Variants in MYO16 observed in about 807,000 individuals in gnomAD.
MYO16 encodes the protein myosin XVI, also known as unconventional myosin-XVI.
MYO16 carries 94 observed loss-of-function variants against 205.3 expected under a neutral mutation model. That is an observed-to-expected ratio of 0.46 (90% CI 0.39 to 0.54). The LOEUF (loss-of-function observed/expected upper bound fraction) is 0.54, where lower values mean the gene tolerates loss of function less well. Among genes scored for constraint, MYO16 ranks in the 20% least tolerant of loss-of-function variants. The probability of loss-of-function intolerance (pLI) is 0.00; values close to 1 mark genes in which losing one functional copy is unlikely to be tolerated. For missense variants in MYO16, 2,315 were observed against 2,387.5 expected, an observed-to-expected ratio of 0.97 and a Z score of 0.63; for synonymous variants, 988 against 954.0, an observed-to-expected ratio of 1.04 and a Z score of -0.66.
intron 34 of MYO16, among the ~76,000 whole-genome samples, chr13:109,206,404 T>G (rs967412896): frequency 6.6e-6 from 1 of 152,222 alleles, no homozygotes; most frequent in Admixed American, 6.5e-5. Context: ...CAATGTTTTG[T>G]TGCAGTCATT....
intron 3 of MYO16, among the ~76,000 whole-genome samples, chr13:108,721,605 G>A (rs1173522504): frequency 6.6e-6 from 1 of 152,240 alleles, no homozygotes; most frequent in Non-Finnish European, 1.5e-5. Flanking sequence ...CCATGACAGA[G>A]AAGAGTGACC....
chr13:109,110,464 A>G (rs1340698431), intron 28 of MYO16, among the ~76,000 whole-genome samples: 3 of 152,226 alleles, frequency 2.0e-5, no homozygotes, highest in Non-Finnish European at 2.9e-5. Context: ...AACTATAATT[A>G]TATGTAATTC....
At chr13:108,754,899 G>A in intron 4 of MYO16, among the ~76,000 whole-genome samples, 1 of 152,216 alleles carries the variant, frequency 6.6e-6, no homozygotes, top group East Asian at 1.9e-4. Context: ...ACATTCCTGT[G>A]TTAGGAAAAC....
At chr13:108,870,916 T>C (rs1030141236) in intron 12 of MYO16, among the ~76,000 whole-genome samples, 3 of 152,134 alleles carry the variant, frequency 2.0e-5, no homozygotes, top group Admixed American at 1.3e-4. Flanking sequence ...TTTGCTATTT[T>C]ATAAATTCAT....
chr13:108,883,617 A>G (rs1422220915), intron 13 of MYO16, among the ~76,000 whole-genome samples: 1 of 148,476 alleles, frequency 6.7e-6, no homozygotes, highest in Non-Finnish European at 1.5e-5. Flanking sequence ...CTCACAATTC[A>G]CTGTACTCTA....
chr13:109,019,599 C>A, intron 22 of MYO16, 112 bp from the exon 23 acceptor site: 1 of 773,174 alleles, frequency 1.3e-6, no homozygotes, highest in Non-Finnish European at 2.1e-6. Context: ...GATTCATTTT[C>A]TGAGTGTCTA....
At chr13:109,173,951 G>GGGC (rs1555338667) in intron 33 of MYO16, among the ~76,000 whole-genome samples, 6 of 148,038 alleles carry the variant, frequency 4.1e-5, no homozygotes, top group Non-Finnish European at 1.5e-5. Context: ...TTTTGATGGG[G>GGGC]GGGGGTACTC....
At chr13:108,763,040 T>G (rs558381412) in intron 4 of MYO16, among the ~76,000 whole-genome samples, 2 of 152,230 alleles carry the variant, frequency 1.3e-5, no homozygotes, top group Non-Finnish European at 2.9e-5. Flanking sequence ...AGGACAATAC[T>G]GGAAATATTA....
chr13:109,125,399 T>A lies in MYO16; in HGVS notation c.3782+41T>A. On this transcript the variant is annotated intron_variant, in intron 30 of 34. Coordinates refer to ENST00000457511, the MANE Select transcript of MYO16 (RefSeq NM_001198950.3). The surrounding 1 kb of genome is among the most constrained non-coding windows in gnomAD (Gnocchi z 4.0). ...ATGCAATTTTAATTACCTTTGTGAT[T>A]GGTTCAGTGGAGTCATGAAAATTCA... 1.2e-6 allele frequency: 2 copies of A among 1,603,868 alleles called. No homozygotes were observed. The highest frequency in any genetic ancestry group is 1.7e-6 in the Non-Finnish European group (2 of 1,174,046).
the MYO16 span, among the ~76,000 whole-genome samples, chr13:108,523,542 C>T: frequency 6.6e-6 from 1 of 152,188 alleles, no homozygotes. Context: ...TGTCTTCCCA[C>T]CACCTTCCCA....
the MYO16 span, among the ~76,000 whole-genome samples, chr13:108,519,109 T>C: frequency 6.6e-6 from 1 of 152,212 alleles, no homozygotes; most frequent in African/African-American, 2.4e-5. Flanking sequence ...ATTTCCATAA[T>C]TTTAAAAGAT....
intron 10 of MYO16, among the ~76,000 whole-genome samples, chr13:108,845,780 A>C (rs1877486393): frequency 6.6e-6 from 1 of 152,178 alleles, no homozygotes; most frequent in Non-Finnish European, 1.5e-5. Flanking sequence ...GCAGTGTCAC[A>C]ATCATGGCTC....
At chr13:108,507,318 T>C in the MYO16 span, among the ~76,000 whole-genome samples, 2 of 152,194 alleles carry the variant, frequency 1.3e-5, no homozygotes, top group East Asian at 1.9e-4. Context: ...CTGGTGGTGA[T>C]GAACTCCTTT....
chr13:108,676,542 A>C (rs991038217), intron 2 of MYO16, among the ~76,000 whole-genome samples: 3 of 152,210 alleles, frequency 2.0e-5, no homozygotes, highest in Admixed American at 1.3e-4. Flanking sequence ...GAGTGTTTGC[A>C]GATGTAATCA....
intron 20 of MYO16, among the ~76,000 whole-genome samples, chr13:108,989,357 A>G (rs1484694172): frequency 6.6e-6 from 1 of 152,192 alleles, no homozygotes; most frequent in African/African-American, 2.4e-5. Flanking sequence ...ATAAAAATAT[A>G]TGTTTCAATA....
chr13:108,862,106 G>A (rs1031459307), intron 11 of MYO16, among the ~76,000 whole-genome samples: 1 of 152,080 alleles, frequency 6.6e-6, no homozygotes. Context: ...AATCCCCAAT[G>A]CCATAATTTA....
intron 1 of MYO16, among the ~76,000 whole-genome samples, chr13:108,606,660 G>C (rs1322623337): frequency 6.6e-6 from 1 of 152,134 alleles, no homozygotes; most frequent in Non-Finnish European, 1.5e-5. Flanking sequence ...TGCTAGGGCA[G>C]TGCGGAAGGG....
intron 1 of MYO16, among the ~76,000 whole-genome samples, chr13:108,610,656 T>TA (rs1226805301): frequency 6.6e-6 from 1 of 152,210 alleles, no homozygotes; most frequent in Admixed American, 6.5e-5. Context: ...CCATTTATAG[T>TA]AAATCCTCCT....
intron 10 of MYO16, among the ~76,000 whole-genome samples, chr13:108,854,134 C>A (rs978747643): frequency 2.0e-5 from 3 of 152,026 alleles, no homozygotes; most frequent in African/African-American, 4.8e-5. Flanking sequence ...GCTGAGATTA[C>A]AGGCATGTGC....
Sources: allele counts gnomAD v4.1 joint callset (sites outside exome capture counted in the v4.1 genomes callset), GRCh38; gene constraint gnomAD v4.1.1; non-coding constraint Gnocchi (gnomAD v3.1); transcripts MANE v1.5; gene names NCBI Gene and HGNC (gene_info 2026-07-23, HGNC 2026-07-21).